Variants in SAFB observed in about 807,000 individuals in gnomAD.
SAFB encodes scaffold attachment factor B.
Under a neutral mutation model 101.6 loss-of-function variants are expected in SAFB, and 15 were observed. That is an observed-to-expected ratio of 0.15 (90% CI 0.10 to 0.23). SAFB has a LOEUF of 0.23. Ranked by LOEUF, SAFB falls within the 10% of genes least tolerant of loss-of-function variation. The probability of loss-of-function intolerance (pLI) is 1.00; values close to 1 mark genes in which losing one functional copy is unlikely to be tolerated. For missense variants in SAFB, 930 were observed against 1,104.1 expected (o/e 0.84, Z 2.23); for synonymous variants, 449 against 407.5 (o/e 1.10, Z -1.23).
At chr19:5,653,547 A>C (rs1346374639) in intron 11 of SAFB, 127 bp downstream of exon 11, 11 of 748,446 alleles carry the variant, frequency 1.5e-5, no homozygotes, top group Non-Finnish European at 2.0e-5. Flanking sequence ...GCTCACCTCA[A>C]CTCCACCTCC....
intron 2 of SAFB, among the ~76,000 whole-genome samples, chr19:5,639,945 C>T (rs974817750): frequency 1.3e-5 from 2 of 152,010 alleles, no homozygotes; most frequent in Non-Finnish European, 2.9e-5. Context: ...TCAAGCGATT[C>T]TCCTGCCTCA....
chr19:5,656,394 C>T (rs2054060826), intron 13 of SAFB, among the ~76,000 whole-genome samples: 2 of 151,866 alleles, frequency 1.3e-5, no homozygotes, highest in South Asian at 4.2e-4. Flanking sequence ...TCCTGCCTCA[C>T]CCTCTTGAGT....
chr19:5,665,420 T>C (rs1204307992), intron 17 of SAFB: 1 of 152,134 alleles, frequency 6.6e-6, no homozygotes, highest in Non-Finnish European at 1.5e-5. Flanking sequence ...GAGGGTAATA[T>C]TCCTCCTACA....
chr19:5,653,297 C>T (rs200653118), intron 10 of SAFB, 33 bp downstream of exon 10: 1 of 1,613,978 alleles, frequency 6.2e-7, no homozygotes, highest in Non-Finnish European at 8.5e-7. Flanking sequence ...GGATATAGCC[C>T]ACATTAGGAA....
At chr19:5,636,961 G>A (rs1023885589) in intron 2 of SAFB, among the ~76,000 whole-genome samples, 6 of 151,116 alleles carry the variant, frequency 4.0e-5, no homozygotes, top group South Asian at 2.1e-4. Context: ...CACCCACCTC[G>A]GCCTCCCAAA....
At chr19:5,662,681 C>A (rs1197084647) in intron 15 of SAFB, among the ~76,000 whole-genome samples, 3 of 149,284 alleles carry the variant, frequency 2.0e-5, no homozygotes, top group Non-Finnish European at 4.4e-5. Flanking sequence ...CGCTCTGTTG[C>A]CCAGGCTGGA....
At chr19:5,640,935 T>C (rs1456480553) in intron 2 of SAFB, among the ~76,000 whole-genome samples, 2 of 131,302 alleles carry the variant, frequency 1.5e-5, no homozygotes. Context: ...TGTTTTTCTT[T>C]TTTTTTTTTT....
chr19:5,646,558 C>G (rs890128321), intron 5 of SAFB, among the ~76,000 whole-genome samples: 4 of 152,214 alleles, frequency 2.6e-5, no homozygotes, highest in African/African-American at 9.7e-5. Context: ...AAGAATTATT[C>G]TGCCAACATT....
intron 14 of SAFB, among the ~76,000 whole-genome samples, chr19:5,658,292 C>G (rs995072246): frequency 1.3e-5 from 2 of 152,240 alleles, no homozygotes; most frequent in Admixed American, 6.5e-5. Context: ...GCCACTGCTC[C>G]AAGGACTGAC....
rs943369065 is a variant in SAFB, at chr19:5,638,017, C to A, written c.275-3577C>A. Among the ~76,000 whole-genome samples, 10 of 152,276 alleles carry A rather than the reference C, an allele frequency of 6.6e-5. No homozygotes were observed. The South Asian group carries it at 2.1e-3, about 32-fold the overall frequency. ...AATGACTTCCATTTTTGCTTCAGTT[C>A]TGTTATTTCTGGTATCATCGTTTAC... On this transcript the variant is annotated intron_variant, in intron 2 of 20. Transcript: ENST00000588852.
chr19:5,624,935 A>T (rs1286631464), intron 1 of SAFB, among the ~76,000 whole-genome samples: 1 of 152,176 alleles, frequency 6.6e-6, no homozygotes, highest in East Asian at 1.9e-4. Context: ...GCTAAGCCAA[A>T]TTAAGAGGCT....
intron 17 of SAFB, 171 bp downstream of exon 17, chr19:5,664,610 G>C (rs949435846): frequency 1.7e-6 from 1 of 605,126 alleles, no homozygotes; most frequent in African/African-American, 1.9e-5. Flanking sequence ...GGATTATTTG[G>C]GGTTAGTCTT....
chr19:5,641,906 G>A lies in SAFB; in HGVS notation c.506G>A (p.Gly169Glu), dbSNP rs760164733. 8 of 1,614,050 alleles carry A rather than the reference G, an allele frequency of 5.0e-6. No homozygotes were observed. The South Asian group carries it at 7.7e-5, about 16-fold the overall frequency. The change falls in exon 4 of 21, where the codon GGG (glycine) becomes GAG (glutamate). Residue 169 changes from glycine to glutamate, a missense_variant. Around this residue, in one of 7 missense-constraint regions of SAFB, gnomAD observed 130 missense variants for 114.2 expected, o/e 1.14. Coordinates refer to ENST00000588852, the MANE Select transcript of SAFB (RefSeq NM_001201338.2). ...SLSDSRELVE[G>E]EMKELPEQLQ... ...TCGGATAGTAGAGAGCTAGTCGAGGGGGAAATGAAAGAGCTTCCGGAGCAG... is the reference window on the plus strand; with the variant it reads ...TCGGATAGTAGAGAGCTAGTCGAGGAGGAAATGAAAGAGCTTCCGGAGCAG...
intron 1 of SAFB, among the ~76,000 whole-genome samples, chr19:5,625,085 A>G (rs1211276552): frequency 2.0e-5 from 3 of 151,088 alleles, no homozygotes; most frequent in African/African-American, 7.3e-5. Flanking sequence ...TCTCCTTTTC[A>G]TTTTCTTCAA....
Position 5,641,608 on chromosome 19 carries a change from G to A in SAFB, c.289G>A (p.Glu97Lys), listed in dbSNP as rs1231673195. 6.2e-7 allele frequency: 1 copy of A among 1,614,004 alleles called. No homozygotes were observed. Among genetic ancestry groups the A allele is most frequent in the South Asian group, 1.1e-5 (1 of 91,070 alleles). The change falls in exon 3 of 21, where the codon GAA becomes AAA. Residue 97 changes from glutamate (E) to lysine (K), a missense_variant. Glu to Lys is a moderately conservative substitution (Grantham distance 56). This residue lies in a region of SAFB where 119 missense variants were observed against 171.4 expected (regional missense o/e 0.69). Transcript: ENST00000588852. ...TCTGTCTTCAGGGCGCAAACCAGAA[G>A]AAGAGGGTGTGGAAGATAACGGGCT... ...KRSSKGRKPE[E>K]EGVEDNGLEE...
Position 5,663,419 on chromosome 19 carries a change from C to T in SAFB, c.2154-603C>T, listed in dbSNP as rs141105871. 1.6e-3 allele frequency among the ~76,000 whole-genome samples: 251 copies of T among 152,332 alleles called. 1 individual carries two copies. The highest frequency in any genetic ancestry group is 5.8e-3 in the African/African-American group (243 of 41,568). ...CCAGCAGTGATTGTGTCAGGCTTTACACGTGCACTGCAACCTGGCAAAAAT... is the reference window on the plus strand; with the variant it reads ...CCAGCAGTGATTGTGTCAGGCTTTATACGTGCACTGCAACCTGGCAAAAAT... On this transcript the variant is annotated intron_variant, in intron 15 of 20. Coordinates refer to ENST00000588852, the MANE Select transcript of SAFB (RefSeq NM_001201338.2).
chr19:5,654,919 C>T (rs2054020168), intron 13 of SAFB, among the ~76,000 whole-genome samples: 1 of 152,232 alleles, frequency 6.6e-6, no homozygotes, highest in Non-Finnish European at 1.5e-5. Flanking sequence ...TACTTTTGCT[C>T]TGATAACTGT....
chr19:5,644,117 T>C (rs2053777756), intron 4 of SAFB, among the ~76,000 whole-genome samples: 2 of 152,140 alleles, frequency 1.3e-5, no homozygotes, highest in African/African-American at 4.8e-5. Context: ...GGTCTCATGG[T>C]GTAAATGAAG....
Position 5,648,049 on chromosome 19 carries a change from G to A in SAFB, c.637+6G>A. ...AGAGCCATCCCTGGAGCCAGGTACT[G>A]TTAAATGAAAAACTTACCAGCGGGG... is the stretch of plus-strand genomic sequence containing the variant. On this transcript the variant is annotated splice_donor_region_variant and intron_variant, in intron 6 of 20. Transcript: ENST00000588852. The A allele has an allele frequency of 6.2e-7, 1 of 1,609,368 alleles. No individual in the cohort carries two copies. The highest frequency in any genetic ancestry group is 8.5e-7 in the Non-Finnish European group (1 of 1,178,048).
Sources: allele counts gnomAD v4.1 joint callset (sites outside exome capture counted in the v4.1 genomes callset), GRCh38; gene constraint gnomAD v4.1.1; regional missense constraint gnomAD v4.1.1; transcripts MANE v1.5; gene names NCBI Gene and HGNC (gene_info 2026-07-23, HGNC 2026-07-21).